The following FSD1L variants were observed in gnomAD, a reference collection of about 807,000 sequenced individuals.
FSD1L encodes the protein fibronectin type III and SPRY domain containing 1 like.
A neutral mutation model predicts 71.6 loss-of-function variants in FSD1L; 45 were observed. The ratio of observed to expected loss-of-function variants is 0.63; its 90% CI spans 0.49 to 0.81. The LOEUF (loss-of-function observed/expected upper bound fraction) is 0.81. FSD1L is among the 30% of genes least tolerant of loss of function. The pLI is 0.00. For missense variants in FSD1L, 561 were observed against 618.1 expected, an observed-to-expected ratio of 0.91 and a Z score of 0.98; for synonymous variants, 197 against 207.2, an observed-to-expected ratio of 0.95 and a Z score of 0.42.
chr9:105,538,467 G>A (rs1289345486), intron 12 of FSD1L, among the ~76,000 whole-genome samples: 2 of 152,158 alleles, frequency 1.3e-5, no homozygotes, highest in African/African-American at 4.8e-5. Context: ...GGAGGAGATG[G>A]TGAAGTTATC....
intron 8 of FSD1L, among the ~76,000 whole-genome samples, chr9:105,506,888 C>T (rs79086714): frequency 0.016 from 2,390 of 152,018 alleles, 88 homozygotes; most frequent in African/African-American, 0.055. Flanking sequence ...TCTCCCACCT[C>T]AGCTTCCTGA....
At chr9:105,502,071 G>A (rs2131340942) in intron 7 of FSD1L, among the ~76,000 whole-genome samples, 1 of 151,956 alleles carries the variant, frequency 6.6e-6, no homozygotes, top group Non-Finnish European at 1.5e-5. Context: ...AACATATATG[G>A]CCTTAGCTTA....
At chr9:105,536,779 G>A (rs1836294592) in intron 12 of FSD1L, among the ~76,000 whole-genome samples, 1 of 152,066 alleles carries the variant, frequency 6.6e-6, no homozygotes, top group Non-Finnish European at 1.5e-5. Context: ...TGGGATTACA[G>A]GTGCATGCCA....
intron 5 of FSD1L, among the ~76,000 whole-genome samples, chr9:105,473,867 G>A (rs1323585126): frequency 6.6e-6 from 1 of 152,008 alleles, no homozygotes; most frequent in Non-Finnish European, 1.5e-5. Context: ...CTTTGTTTCT[G>A]TTATAATTTG....
chr9:105,513,253 A>G (rs1330864782), intron 10 of FSD1L, among the ~76,000 whole-genome samples: 1 of 152,156 alleles, frequency 6.6e-6, no homozygotes, highest in African/African-American at 2.4e-5. Context: ...TTAGACTTAT[A>G]GATCACCTAT....
At chr9:105,502,863 C>T (rs996885348) in intron 7 of FSD1L, among the ~76,000 whole-genome samples, 2 of 148,964 alleles carry the variant, frequency 1.3e-5, no homozygotes, top group African/African-American at 4.9e-5. Context: ...GAGTTTCGTC[C>T]AGAAGGAAAA....
intron 10 of FSD1L, chr9:105,521,885 A>G: frequency 6.2e-7 from 1 of 1,612,404 alleles, no homozygotes; most frequent in Non-Finnish European, 8.5e-7. Context: ...TTGAACCTGC[A>G]AATGAAATAA....
At position 105,552,006 on chromosome 9, in the gene FSD1L, T is replaced by G. The variant is rs10491808; in HGVS notation, c.*5523T>G. The G allele has an allele frequency of 6.6e-6, 1 of 152,098 alleles. No individual in the cohort carries two copies. Among genetic ancestry groups the G allele is most frequent in the Non-Finnish European group, 1.5e-5 (1 of 67,990 alleles). 9.4% of individuals were successfully genotyped at this position (152,098 alleles called of 1,614,324 possible). Reference sequence around the variant, plus strand: ...AAAAAGATGAAGCATTTCAAAATCTTGTTAACCTGGTTATCTCTTGGTATC... The same window carrying G: ...AAAAAGATGAAGCATTTCAAAATCTGGTTAACCTGGTTATCTCTTGGTATC... On this transcript the variant is annotated 3_prime_UTR_variant, in exon 14 of 14. Coordinates refer to ENST00000481272, the MANE Select transcript of FSD1L (RefSeq NM_001145313.3).
chr9:105,509,034 A>G (rs1564125431), intron 9 of FSD1L, among the ~76,000 whole-genome samples: 4 of 152,220 alleles, frequency 2.6e-5, no homozygotes, highest in Non-Finnish European at 1.5e-5. Context: ...GAGTTTTCCC[A>G]TAGAATGGAT....
At chr9:105,486,360 A>G (rs989187060) in intron 7 of FSD1L, among the ~76,000 whole-genome samples, 11 of 152,186 alleles carry the variant, frequency 7.2e-5, no homozygotes, top group South Asian at 2.1e-4. Flanking sequence ...TCAATCTGAC[A>G]TGTAGAATTT....
rs76268743 is a variant in FSD1L, at chr9:105,478,855, C to G, written c.442-499C>G. Among the ~76,000 whole-genome samples the G allele has an allele frequency of 8.3e-3, 1,265 of 152,270 alleles. 20 individuals are homozygous for G. Among genetic ancestry groups the G allele is most frequent in the African/African-American group, 0.029 (1,209 of 41,556 alleles). ...CAGCCTAGTTGTATTTGTTAGCAGG[C>G]AAACTCTGAGAATTCCTTGCCCTAT... On this transcript the variant is annotated intron_variant, in intron 5 of 13. Coordinates refer to ENST00000481272, the MANE Select transcript of FSD1L (RefSeq NM_001145313.3).
chr9:105,543,361 C>T (rs1195015859), intron 13 of FSD1L, among the ~76,000 whole-genome samples: 1 of 151,960 alleles, frequency 6.6e-6, no homozygotes, highest in Admixed American at 6.6e-5. Flanking sequence ...TGACTGTGTC[C>T]CAAATCTTAT....
At chr9:105,442,201 C>T in the FSD1L span, among the ~76,000 whole-genome samples, 1 of 152,176 alleles carries the variant, frequency 6.6e-6, no homozygotes. Flanking sequence ...CTATCCCTCC[C>T]AGGCCTTCTC....
chr9:105,459,755 G>T (rs1830572501), intron 1 of FSD1L, among the ~76,000 whole-genome samples: 1 of 152,160 alleles, frequency 6.6e-6, no homozygotes, highest in Non-Finnish European at 1.5e-5. Flanking sequence ...AAATATAGAT[G>T]ATCTTAAATG....
chr9:105,533,416 CTTTTTTTTTT>C (rs754896606), intron 10 of FSD1L, among the ~76,000 whole-genome samples: 7 of 29,070 alleles, frequency 2.4e-4, no homozygotes, highest in Non-Finnish European at 4.2e-4. Flanking sequence ...CCATTTCCAT[CTTTTTTTTTT>C]TTTTTTTTTT....
In FSD1L at chr9:105,548,883, CG is replaced by C. The variant is rs1837152072; in HGVS notation, c.*2401del. 1 of 151,910 alleles carries C rather than the reference CG, an allele frequency of 6.6e-6. No homozygotes were observed. The highest frequency in any genetic ancestry group is 2.4e-5 in the African/African-American group (1 of 41,378). 9.4% of individuals were successfully genotyped at this position (151,910 alleles called of 1,614,324 possible). On this transcript the variant is annotated 3_prime_UTR_variant, in exon 14 of 14. Transcript: ENST00000481272. ...ACAAGATGTGGTTTTTTGTTTAAGA[CG>C]TTTTTAGTTTATTTGTTGTTAAGTT...
upstream of FSD1L, among the ~76,000 whole-genome samples, chr9:105,446,756 CTG>C (rs911844713): frequency 1.4e-5 from 2 of 146,396 alleles, no homozygotes; most frequent in Admixed American, 7.0e-5. Flanking sequence ...ATTGTAAGCT[CTG>C]TGAGAGAAAC....
chr9:105,525,689 A>G, intron 10 of FSD1L: 4 of 1,608,226 alleles, frequency 2.5e-6, no homozygotes, highest in Non-Finnish European at 2.6e-6. Flanking sequence ...GCAGTATTTT[A>G]TGTTGCTGAA....
At chr9:105,464,371 C>A in intron 3 of FSD1L, 40 bp downstream of exon 3, 1 of 911,434 alleles carries the variant, frequency 1.1e-6, no homozygotes, top group Non-Finnish European at 1.7e-6. Flanking sequence ...AAATATGTCA[C>A]AATGAGCCAA....
Sources: allele counts gnomAD v4.1 joint callset (sites outside exome capture counted in the v4.1 genomes callset), GRCh38; gene constraint gnomAD v4.1.1; transcripts MANE v1.5; gene names NCBI Gene and HGNC (gene_info 2026-07-23, HGNC 2026-07-21).